The following CTNNA3 variants were observed in gnomAD, a reference collection of about 807,000 sequenced individuals.
CTNNA3 encodes catenin alpha-3.
CTNNA3 carries 76 observed loss-of-function variants against 95.7 expected under a neutral mutation model. That is an observed-to-expected ratio of 0.79 (90% CI 0.66 to 0.96). The LOEUF (loss-of-function observed/expected upper bound fraction) is 0.96. Among genes scored for constraint, CTNNA3 ranks in the 40% least tolerant of loss-of-function variants. The pLI is 0.00. For synonymous variants in CTNNA3, 431 were observed against 374.4 expected (o/e 1.15, Z -1.74); for missense variants, 1,191 against 1,089.8 (o/e 1.09, Z -1.31).
intron 7 of CTNNA3, among the ~76,000 whole-genome samples, chr10:66,786,433 T>C (rs1272020611): frequency 6.6e-6 from 1 of 152,222 alleles, no homozygotes; most frequent in Non-Finnish European, 1.5e-5. Flanking sequence ...AATTAAGTTC[T>C]CTTTCAACTG....
intron 11 of CTNNA3, among the ~76,000 whole-genome samples, chr10:66,404,173 T>C (rs764237977): frequency 6.6e-6 from 1 of 152,006 alleles, no homozygotes; most frequent in Non-Finnish European, 1.5e-5. Context: ...GCAGACTCAG[T>C]ACCTGAGGAC....
chr10:66,628,672 C>G (rs1317727837), intron 9 of CTNNA3, among the ~76,000 whole-genome samples: 4 of 151,956 alleles, frequency 2.6e-5, no homozygotes, highest in Admixed American at 6.6e-5. Flanking sequence ...TGTGAAGAAG[C>G]ATGAAGAAGG....
intron 5 of CTNNA3, among the ~76,000 whole-genome samples, chr10:67,432,613 T>A (rs965510039): frequency 1.3e-5 from 2 of 152,174 alleles, no homozygotes; most frequent in East Asian, 3.9e-4. Context: ...AAACTCTCTC[T>A]GCCTTTTTCA....
chr10:66,615,129 C>G (rs554886715), intron 10 of CTNNA3, among the ~76,000 whole-genome samples: 1 of 152,026 alleles, frequency 6.6e-6, no homozygotes, highest in African/African-American at 2.4e-5. Flanking sequence ...ACTATGGGCC[C>G]AGGACTCAGC....
intron 4 of CTNNA3, among the ~76,000 whole-genome samples, chr10:67,529,440 T>C (rs1005530460): frequency 5.9e-5 from 8 of 135,662 alleles, no homozygotes; most frequent in African/African-American, 2.2e-4. Flanking sequence ...TATGTATCTA[T>C]ATGAGAACAC....
chr10:66,651,872 G>A (rs1022272975), intron 9 of CTNNA3, among the ~76,000 whole-genome samples: 3 of 151,164 alleles, frequency 2.0e-5, no homozygotes, highest in African/African-American at 4.9e-5. Flanking sequence ...GCCTCGGCCA[G>A]CCCAGAGAGG....
At chr10:67,110,734 A>C (rs1336538321) in intron 7 of CTNNA3, among the ~76,000 whole-genome samples, 1 of 152,168 alleles carries the variant, frequency 6.6e-6, no homozygotes, top group Non-Finnish European at 1.5e-5. Context: ...GCCATATTTT[A>C]TTACTTTTGT....
intron 5 of CTNNA3, among the ~76,000 whole-genome samples, chr10:67,249,659 C>T (rs1370108484): frequency 6.6e-6 from 1 of 152,092 alleles, no homozygotes; most frequent in Non-Finnish European, 1.5e-5. Context: ...TTAAGAAAGA[C>T]TAAGGTAAGT....
chr10:66,342,522 C>A (rs1221572604), intron 12 of CTNNA3, among the ~76,000 whole-genome samples: 1 of 151,934 alleles, frequency 6.6e-6, no homozygotes, highest in Non-Finnish European at 1.5e-5. Context: ...ATATTATTAT[C>A]TTCTACATAG....
At chr10:66,892,188 T>C (rs913623389) in intron 7 of CTNNA3, among the ~76,000 whole-genome samples, 5 of 152,100 alleles carry the variant, frequency 3.3e-5, no homozygotes, top group African/African-American at 1.2e-4. Context: ...AAGCTTTAAG[T>C]ACAATGGCAA....
chr10:67,448,131 T>A (rs1019364252), intron 5 of CTNNA3, among the ~76,000 whole-genome samples: 4 of 152,178 alleles, frequency 2.6e-5, no homozygotes, highest in Non-Finnish European at 5.9e-5. Flanking sequence ...AGAGTTGTCA[T>A]CTTCATGCAC....
At chr10:66,294,816 G>A (rs1408571880) in intron 12 of CTNNA3, among the ~76,000 whole-genome samples, 1 of 152,024 alleles carries the variant, frequency 6.6e-6, no homozygotes, top group African/African-American at 2.4e-5. Context: ...GTCTCGATGG[G>A]TTAATAAGAG....
intron 9 of CTNNA3, among the ~76,000 whole-genome samples, chr10:66,673,487 A>C (rs2132478551): frequency 6.6e-6 from 1 of 152,224 alleles, no homozygotes; most frequent in Non-Finnish European, 1.5e-5. Context: ...GACCACAAAT[A>C]AAATAACACT....
chr10:66,694,189 G>A (rs982594517), intron 9 of CTNNA3, among the ~76,000 whole-genome samples: 3 of 151,966 alleles, frequency 2.0e-5, no homozygotes, highest in African/African-American at 7.3e-5. Flanking sequence ...TTTTTGAGAG[G>A]ATCAACAAAA....
chr10:67,515,246 G>A (rs1251589465), intron 5 of CTNNA3, among the ~76,000 whole-genome samples: 1 of 152,206 alleles, frequency 6.6e-6, no homozygotes, highest in Non-Finnish European at 1.5e-5. Flanking sequence ...TGTAGTTTAT[G>A]AAGTAGTGAA....
rs200182913 is a variant in CTNNA3, at chr10:66,520,698, G to A, written c.1450C>T (p.Arg484Cys). 102 of 1,611,052 alleles carry A rather than the reference G, an allele frequency of 6.3e-5. No individual in the cohort carries two copies. The East Asian group carries it at 1.7e-3, about 27-fold the overall frequency. The change falls in exon 11 of 18, where the codon CGT (arginine) becomes TGT (cysteine). Residue 484 changes from arginine to cysteine, a missense_variant. By Grantham distance (180) the Arg-to-Cys change is radical. Coordinates refer to ENST00000433211, the MANE Select transcript of CTNNA3 (RefSeq NM_013266.4). Reference protein sequence around the residue: ...AVKNTMEMYKRTWENHIHVLT... With the variant: ...AVKNTMEMYKCTWENHIHVLT... ...ACATGTATATGATTCTCCCATGTAC[G>A]CTTGTACATTTCCATGGTGTTTTTG...
At chr10:67,718,407 C>T (rs944212382) in intron 1 of CTNNA3, among the ~76,000 whole-genome samples, 38 of 152,204 alleles carry the variant, frequency 2.5e-4, no homozygotes, top group African/African-American at 8.0e-4. Flanking sequence ...AAAGGAAATG[C>T]TTCCAGCTTT....
intron 5 of CTNNA3, among the ~76,000 whole-genome samples, chr10:67,308,617 G>A (rs978707790): frequency 1.3e-5 from 2 of 152,134 alleles, no homozygotes; most frequent in African/African-American, 2.4e-5. Context: ...AGTGGTATAT[G>A]CATAATGAGT....
At chr10:66,364,177 T>A (rs757209010) in intron 12 of CTNNA3, among the ~76,000 whole-genome samples, 3 of 149,688 alleles carry the variant, frequency 2.0e-5, no homozygotes, top group Non-Finnish European at 4.4e-5. Context: ...ATATATATAA[T>A]ATATATATAT....
Sources: allele counts gnomAD v4.1 joint callset (sites outside exome capture counted in the v4.1 genomes callset), GRCh38; gene constraint gnomAD v4.1.1; transcripts MANE v1.5; gene names NCBI Gene and HGNC (gene_info 2026-07-23, HGNC 2026-07-21).